FAM162A: variants seen among roughly 807,000 people sequenced by gnomAD.
FAM162A encodes family with sequence similarity 162 member A.
A neutral mutation model predicts 21.8 loss-of-function variants in FAM162A; 23 were observed. The observed-to-expected ratio is 1.05, with a 90% CI of 0.76 to 1.49. The LOEUF (loss-of-function observed/expected upper bound fraction) is 1.49. Among genes scored for constraint, FAM162A ranks in the 40% most tolerant of loss-of-function variants. The pLI, the probability that FAM162A is intolerant of heterozygous loss-of-function variation, is 0.00. For synonymous variants in FAM162A, 53 were observed against 61.3 expected (o/e 0.86, Z 0.64); for missense variants, 165 against 186.4 (o/e 0.89, Z 0.67).
chr3:122,407,157 A>C, intron 3 of FAM162A, 124 bp from the exon 4 acceptor site: 1 of 704,490 alleles, frequency 1.4e-6, no homozygotes, highest in Non-Finnish European at 2.3e-6. Context: ...AGAGATCTCT[A>C]GGTCTCCCTA....
chr3:122,403,035 C>T (rs978845112), intron 2 of FAM162A, among the ~76,000 whole-genome samples, 153 bp downstream of exon 2: 1 of 152,194 alleles, frequency 6.6e-6, no homozygotes, highest in Non-Finnish European at 1.5e-5. Context: ...GTGCACATGA[C>T]CAATATGAGC....
chr3:122,397,755 T>C (rs1195867388), intron 1 of FAM162A, among the ~76,000 whole-genome samples: 1 of 152,226 alleles, frequency 6.6e-6, no homozygotes, highest in East Asian at 1.9e-4. Context: ...AGGTAACAAT[T>C]GCTAATCAAA....
intron 1 of FAM162A, among the ~76,000 whole-genome samples, chr3:122,389,851 T>C (rs868861072): frequency 3.3e-5 from 5 of 152,366 alleles, no homozygotes; most frequent in South Asian, 2.1e-4. Context: ...CCAAATTTTC[T>C]GTAATGAGCA....
At chr3:122,405,118 T>G (rs972755775) in intron 3 of FAM162A, among the ~76,000 whole-genome samples, 3 of 152,212 alleles carry the variant, frequency 2.0e-5, no homozygotes, top group African/African-American at 7.2e-5. Flanking sequence ...AGCCTCATGT[T>G]AAAGACCCTG....
chr3:122,406,292 T>C (rs1452517763), intron 3 of FAM162A, among the ~76,000 whole-genome samples: 1 of 152,190 alleles, frequency 6.6e-6, no homozygotes, highest in Non-Finnish European at 1.5e-5. Context: ...CCACCAGGTG[T>C]GGCAATGCAT....
chr3:122,393,793 G>A (rs2075615112), intron 1 of FAM162A, among the ~76,000 whole-genome samples: 1 of 152,158 alleles, frequency 6.6e-6, no homozygotes, highest in Non-Finnish European at 1.5e-5. Context: ...CATATTTCTA[G>A]AATGTAATAT....
intron 1 of FAM162A, among the ~76,000 whole-genome samples, chr3:122,400,931 G>A (rs2075650420): frequency 6.6e-6 from 1 of 152,028 alleles, no homozygotes; most frequent in Admixed American, 6.6e-5. Context: ...CAGAATAATT[G>A]TGTAGAGATT....
intron 4 of FAM162A, chr3:122,407,691 G>A (rs1161703308): frequency 2.3e-6 from 1 of 430,346 alleles, no homozygotes; most frequent in East Asian, 3.4e-5. Flanking sequence ...ATAGGACACT[G>A]GCATATTTAA....
Position 122,409,983 on chromosome 3 carries a change from T to A in FAM162A, c.*152T>A. 1.4e-6 allele frequency: 1 copy of A among 715,798 alleles called. No homozygotes were observed. The allele number at this position is 715,798 out of a possible 1,614,324, so 44.3% of individuals were successfully genotyped here. On this transcript the variant is annotated 3_prime_UTR_variant, in exon 5 of 5. Transcript: ENST00000477892. The stretch of plus-strand genomic sequence containing the variant: ...CGTATTTCTGCTGTAGAAGTAGAAA[T>A]AAATTTTCTTAAATAATGACTGTGT...
chr3:122,409,063 A>G (rs2075691562), intron 4 of FAM162A, among the ~76,000 whole-genome samples: 2 of 148,660 alleles, frequency 1.3e-5, no homozygotes, highest in Admixed American at 6.8e-5. Context: ...ATGAAATTAC[A>G]CAGATAGAAG....
chr3:122,402,977 A>G, intron 2 of FAM162A, 95 bp downstream of exon 2: 2 of 1,340,688 alleles, frequency 1.5e-6, no homozygotes, highest in Non-Finnish European at 1.0e-6. Context: ...AGGTTCCTAT[A>G]TCATACCCTC....
intron 1 of FAM162A, among the ~76,000 whole-genome samples, chr3:122,387,266 GA>G (rs1209366700): frequency 6.6e-6 from 1 of 152,198 alleles, no homozygotes; most frequent in Non-Finnish European, 1.5e-5. Flanking sequence ...GACCTTACAA[GA>G]ATGTTTCTTA....
At chr3:122,398,835 A>G (rs532516646) in intron 1 of FAM162A, among the ~76,000 whole-genome samples, 1 of 152,242 alleles carries the variant, frequency 6.6e-6, no homozygotes, top group Non-Finnish European at 1.5e-5. Context: ...TGAAATACAT[A>G]CTGAAGTATT....
chr3:122,406,475 C>G (rs538312409), intron 3 of FAM162A, among the ~76,000 whole-genome samples: 1 of 152,342 alleles, frequency 6.6e-6, no homozygotes, highest in Admixed American at 6.5e-5. Flanking sequence ...TTAGACTCTT[C>G]TATATTAAGC....
chr3:122,398,638 A>T (rs1391512550), intron 1 of FAM162A, among the ~76,000 whole-genome samples: 1 of 152,170 alleles, frequency 6.6e-6, no homozygotes, highest in Admixed American at 6.5e-5. Context: ...AAAAAGTAAG[A>T]GGGGAGACCT....
intron 3 of FAM162A, among the ~76,000 whole-genome samples, chr3:122,406,264 G>A (rs367998112): frequency 1.7e-3 from 253 of 152,252 alleles, no homozygotes; most frequent in African/African-American, 5.7e-3. Context: ...GCCAGACACC[G>A]AGGTAACAGA....
At position 122,409,841 on chromosome 3, in the gene FAM162A, C is replaced by T; in HGVS notation, c.*10C>T. 6.2e-7 allele frequency: 1 copy of T among 1,611,348 alleles called. No homozygotes were observed. Among genetic ancestry groups the T allele is most frequent in the Non-Finnish European group, 8.5e-7 (1 of 1,177,538 alleles). On this transcript the variant is annotated 3_prime_UTR_variant, in exon 5 of 5. Coordinates refer to ENST00000477892, the MANE Select transcript of FAM162A (RefSeq NM_014367.4). ...GGCCAAAACAGAGTAGCAGAGGTAT[C>T]CGTGTTGGCTGGATTTTGAAAATCC...
intron 1 of FAM162A, among the ~76,000 whole-genome samples, chr3:122,386,000 A>G (rs2075572673): frequency 6.6e-6 from 1 of 152,176 alleles, no homozygotes; most frequent in Non-Finnish European, 1.5e-5. Context: ...TCTCTTTGCC[A>G]AAAAATGTTA....
At chr3:122,407,452 A>T in intron 4 of FAM162A, 63 bp downstream of exon 4, 1 of 1,295,686 alleles carries the variant, frequency 7.7e-7, no homozygotes, top group Non-Finnish European at 1.1e-6. Context: ...AGAGTAAATC[A>T]GGGATTGACC....
Sources: allele counts gnomAD v4.1 joint callset (sites outside exome capture counted in the v4.1 genomes callset), GRCh38; gene constraint gnomAD v4.1.1; transcripts MANE v1.5; gene names NCBI Gene and HGNC (gene_info 2026-07-23, HGNC 2026-07-21).